COL5A1: variants seen among roughly 807,000 people sequenced by gnomAD.
COL5A1 encodes collagen alpha-1(V) chain.
Under a neutral mutation model 263.7 loss-of-function variants are expected in COL5A1, and 16 were observed. The ratio of observed to expected loss-of-function variants is 0.06; its 90% CI spans 0.04 to 0.09. The LOEUF is 0.09. COL5A1 is among the 10% of genes least tolerant of loss of function. COL5A1 has a pLI of 1.00. For synonymous variants in COL5A1, 1,012 were observed against 1,004.5 expected (o/e 1.01, Z -0.14); for missense variants, 2,036 against 2,540.5 (o/e 0.80, Z 4.27).
rs1178360334 is a variant in COL5A1 at position 134,734,277 on chromosome 9, GTACAGGAACATCATGGC to G, written c.1389+2152_1389+2168del. ...ACCTTTGTTGGGAAAAGCAGCAGCC[GTACAGGAACATCATGGC>G]TCTGGAAAGTCCAGTTCACCTTTGT... On this transcript the variant is annotated intron_variant, in intron 9 of 65. Transcript: ENST00000371817. 8.4e-3 allele frequency among the ~76,000 whole-genome samples: 1,283 copies of G among 151,862 alleles called. 15 individuals are homozygous for G. The highest frequency in any genetic ancestry group is 0.02 in the Middle Eastern group (6 of 294).
intron 31 of COL5A1, among the ~76,000 whole-genome samples, chr9:134,788,404 A>G (rs1309339748): frequency 6.7e-6 from 1 of 149,892 alleles, no homozygotes; most frequent in Non-Finnish European, 1.5e-5. Flanking sequence ...GGGTAGGTGG[A>G]TAGGTAGACA....
At chr9:134,738,951 C>A in intron 11 of COL5A1, 143 bp downstream of exon 11, 1 of 722,228 alleles carries the variant, frequency 1.4e-6, no homozygotes. Flanking sequence ...CCCAGGCACT[C>A]CTCACACCAG....
At position 134,804,867 on chromosome 9, in the gene COL5A1, C is replaced by T. The variant is rs62571403; in HGVS notation, c.3115-108C>T. 0.02 allele frequency: 19,036 copies of T among 929,342 alleles called. 242 individuals are homozygous for T. The highest frequency in any genetic ancestry group is 0.029 in the East Asian group (1,160 of 39,696). 57.6% of individuals were successfully genotyped at this position (929,342 alleles called of 1,614,324 possible). ...CGCTCTGGGACTGGTGAGAGGTCTG[C>T]GTTGCTGGCTCCAAGAGAGAAGGCC... is the stretch of plus-strand genomic sequence containing the variant. On this transcript the variant is annotated intron_variant, in intron 39 of 65. Coordinates refer to ENST00000371817, the MANE Select transcript of COL5A1 (RefSeq NM_000093.5).
chr9:134,823,266 T>G, intron 60 of COL5A1, 150 bp from the exon 61 acceptor site: 1 of 1,025,494 alleles, frequency 9.8e-7, no homozygotes, highest in Middle Eastern at 2.0e-4. Flanking sequence ...TCCAGGAGGG[T>G]ACAGGGGTCT....
At chr9:134,815,471 T>C (rs1838707269) in intron 50 of COL5A1, 105 bp from the exon 51 acceptor site, 2 of 1,143,988 alleles carry the variant, frequency 1.7e-6, no homozygotes, top group Non-Finnish European at 2.6e-6. Flanking sequence ...TCTTAGGAGC[T>C]GGACGGTGGC....
At position 134,825,889 on chromosome 9, in the gene COL5A1, C is replaced by G. The variant is rs558556902; in HGVS notation, c.5052C>G (p.Asp1684Glu). The G allele has an allele frequency of 3.7e-6, 6 of 1,612,042 alleles. No homozygotes were observed. The highest frequency in any genetic ancestry group is 1.7e-5 in the Admixed American group (1 of 59,984). The change falls in exon 63 of 66, where the codon GAC becomes GAG. Residue 1684 changes from aspartate (D) to glutamate (E), a missense_variant. Around this residue, in one of 3 missense-constraint regions of COL5A1, gnomAD observed 358 missense variants for 384.6 expected, o/e 0.93. Coordinates refer to ENST00000371817, the MANE Select transcript of COL5A1 (RefSeq NM_000093.5). ...TAGGSTCVFP[D>E]KKSEGARITS... ...GGGGGTCGACATGCGTCTTCCCTGA[C>G]AAGAAGTCCGAAGGGGTGAGTAGCT...
At chr9:134,815,882 G>A in intron 51 of COL5A1, 53 bp from the exon 52 acceptor site, 2 of 1,602,130 alleles carry the variant, frequency 1.2e-6, no homozygotes, top group Non-Finnish European at 1.7e-6. Flanking sequence ...ACTGGTGCAT[G>A]AACTCAGGGT....
At chr9:134,777,724 C>T (rs971195844) in intron 27 of COL5A1, among the ~76,000 whole-genome samples, 1 of 152,136 alleles carries the variant, frequency 6.6e-6, no homozygotes, top group Non-Finnish European at 1.5e-5. Flanking sequence ...GCAGCAGCGT[C>T]CCCCAGCCTG....
intron 1 of COL5A1, among the ~76,000 whole-genome samples, chr9:134,688,216 T>C (rs1833145781): frequency 6.6e-6 from 1 of 152,176 alleles, no homozygotes; most frequent in Admixed American, 6.5e-5. Flanking sequence ...GGAAAACAGC[T>C]CTTGCCTTCA....
chr9:134,662,142 C>CAAA (rs34491867), intron 1 of COL5A1, among the ~76,000 whole-genome samples: 368 of 121,204 alleles, frequency 3.0e-3, no homozygotes, highest in South Asian at 4.2e-3. Context: ...ATATCTTGGC[C>CAAA]AAAAAAAAAA....
At chr9:134,668,993 A>ACCCC in intron 1 of COL5A1, among the ~76,000 whole-genome samples, 1 of 116,930 alleles carries the variant, frequency 8.6e-6, no homozygotes, top group South Asian at 3.0e-4. Flanking sequence ...CCATCCACCC[A>ACCCC]CCCACCCACT....
chr9:134,763,587 A>G (rs1467963360), intron 19 of COL5A1, 106 bp from the exon 20 acceptor site: 2 of 1,142,824 alleles, frequency 1.8e-6, no homozygotes, highest in Non-Finnish European at 2.6e-6. Flanking sequence ...AACCTGGCGT[A>G]TGTGAAGCAG....
At chr9:134,651,594 G>A (rs1831689038) in intron 1 of COL5A1, among the ~76,000 whole-genome samples, 1 of 152,256 alleles carries the variant, frequency 6.6e-6, no homozygotes, top group Non-Finnish European at 1.5e-5. Flanking sequence ...TTCTTCTGGA[G>A]GACAGAGGCC....
intron 37 of COL5A1, 104 bp downstream of exon 37, chr9:134,798,565 TGG>T: frequency 2.7e-6 from 2 of 748,626 alleles, no homozygotes; most frequent in South Asian, 1.6e-5. Flanking sequence ...CCTCCTGGCC[TGG>T]GAGAGACAGG....
intron 1 of COL5A1, among the ~76,000 whole-genome samples, chr9:134,645,164 A>G (rs1588394858): frequency 1.3e-5 from 2 of 152,184 alleles, no homozygotes; most frequent in Non-Finnish European, 2.9e-5. Flanking sequence ...CCAGGCTCAC[A>G]GTGGTTTCTC....
chr9:134,796,942 C>T, intron 36 of COL5A1, 41 bp downstream of exon 36: 1 of 271,204 alleles, frequency 3.7e-6, no homozygotes, highest in Non-Finnish European at 4.7e-6. Flanking sequence ...CTGCCTGTCC[C>T]CTCCAAAACC....
intron 25 of COL5A1, among the ~76,000 whole-genome samples, chr9:134,770,292 A>G (rs540668274): frequency 9.7e-4 from 148 of 152,342 alleles, no homozygotes; most frequent in African/African-American, 3.5e-3. Flanking sequence ...AAAATCCATC[A>G]AGAGGTATGA....
chr9:134,757,760 G>A lies in COL5A1; in HGVS notation c.1882-483G>A, dbSNP rs1294598943. Among the ~76,000 whole-genome samples the A allele has an allele frequency of 1.3e-5, 2 of 152,164 alleles. No individual in the cohort carries two copies. Among genetic ancestry groups the A allele is most frequent in the African/African-American group, 4.8e-5 (2 of 41,432 alleles). ...CTCCAGGGCATGCAGAAGAGGGGCC[G>A]GCCAGAGAGCCAGGATGCCTGAGGG... On this transcript the variant is annotated intron_variant, in intron 17 of 65. Coordinates refer to ENST00000371817, the MANE Select transcript of COL5A1 (RefSeq NM_000093.5). The surrounding 1 kb of genome is among the most constrained non-coding windows in gnomAD (Gnocchi z 6.2).
chr9:134,819,809 G>A (rs1287152624), intron 57 of COL5A1, among the ~76,000 whole-genome samples: 1 of 152,254 alleles, frequency 6.6e-6, no homozygotes, highest in East Asian at 1.9e-4. Flanking sequence ...AAATTGGAGA[G>A]CGTATACGAA....
Sources: allele counts gnomAD v4.1 joint callset (sites outside exome capture counted in the v4.1 genomes callset), GRCh38; gene constraint gnomAD v4.1.1; regional missense constraint gnomAD v4.1.1; non-coding constraint Gnocchi (gnomAD v3.1); transcripts MANE v1.5; gene names NCBI Gene and HGNC (gene_info 2026-07-23, HGNC 2026-07-21).